The following PLEC variants were observed in gnomAD, a reference collection of about 807,000 sequenced individuals.
The protein encoded by PLEC is hemidesmosomal protein 1.
In PLEC, 216 loss-of-function variants were observed where a neutral mutation model predicts 392.8. That is an observed-to-expected ratio of 0.55 (90% CI 0.49 to 0.62). PLEC has a LOEUF of 0.62. PLEC is among the 20% of genes least tolerant of loss of function. The probability of loss-of-function intolerance (pLI) is 0.00; values close to 1 mark genes in which losing one functional copy is unlikely to be tolerated. For synonymous variants in PLEC, 3,621 were observed against 2,980.6 expected, an observed-to-expected ratio of 1.21 and a Z score of -7.00; for missense variants, 6,863 against 6,563.4, an observed-to-expected ratio of 1.05 and a Z score of -1.58.
At position 143,916,169 on chromosome 8, in the gene PLEC, A is replaced by G. The variant is rs1554668111; in HGVS notation, c.*8T>C. ...GCCGCATGCAGAGCGGGGTGGGCGC[A>G]GGCAGCCTCAGGCCACGGCAGACTC... On this transcript the variant is annotated 3_prime_UTR_variant, in exon 32 of 32. Transcript: ENST00000345136. The G allele has an allele frequency of 5.9e-6, 9 of 1,531,116 alleles. No individual in the cohort carries two copies. Among genetic ancestry groups the G allele is most frequent in the Non-Finnish European group, 7.9e-6 (9 of 1,139,142 alleles). The allele number at this position is 1,531,116 out of a possible 1,614,324, so 94.8% of individuals were successfully genotyped here. A position where few individuals can be genotyped will look rare whatever the true frequency, so the allele number is the denominator to read the frequency against.
chr8:143,926,023 G>A, intron 30 of PLEC, 139 bp from the exon 31 acceptor site: 5 of 1,007,232 alleles, frequency 5.0e-6, no homozygotes, highest in South Asian at 2.8e-5. Flanking sequence ...GCCCGGCGGA[G>A]GAGACAGCGT....
rs1554689367 is a variant in PLEC at position 143,922,331 on chromosome 8, G to A, written c.7490C>T (p.Ser2497Phe). The A allele has an allele frequency of 1.2e-6, 2 of 1,606,770 alleles. No individual in the cohort carries two copies. Among genetic ancestry groups the A allele is most frequent in the Non-Finnish European group, 1.7e-6 (2 of 1,179,954 alleles). ...CCGCTGTAGCAGGCTGTCCTTTTCAGAGAGGAAGCTTTGCTGCAGGGCCTG... is the reference window on the plus strand; with the variant it reads ...CCGCTGTAGCAGGCTGTCCTTTTCAAAGAGGAAGCTTTGCTGCAGGGCCTG... ...ETQALQQSFL[S>F]EKDSLLQRER... is the part of the protein sequence containing the mutation. Residue 2497 changes from serine (S) to phenylalanine (F), a missense_variant, in exon 32 of 32, where the codon TCT becomes TTT. Ser to Phe is a radical substitution (Grantham distance 155). Coordinates refer to ENST00000345136, the MANE Select transcript of PLEC (RefSeq NM_201384.3).
chr8:143,945,776 A>G (rs1044153464), intron 1 of PLEC, among the ~76,000 whole-genome samples: 12 of 152,164 alleles, frequency 7.9e-5, no homozygotes, highest in Admixed American at 6.5e-5. Flanking sequence ...ACCCAGGTCC[A>G]TGCTGGGAAG....
rs1240768654 is a variant in PLEC, at chr8:143,937,188, G to T, written c.319C>A (p.Leu107Met). Reference protein sequence around the residue: ...FHKLQNVQIALDYLRHRQVKL... With the variant: ...FHKLQNVQIAMDYLRHRQVKL... ...ACCTGGCGGTGCCGGAGGTAGTCCA[G>T]GGCAATCTGGACATTCTGCAGCTTG... Residue 107 changes from leucine to methionine, a missense_variant, in exon 4 of 32, where the codon CTG becomes ATG. Leu to Met is a conservative substitution (Grantham distance 15). Transcript: ENST00000345136. 1 of 1,612,632 alleles carries T rather than the reference G, an allele frequency of 6.2e-7. No individual in the cohort carries two copies. The highest frequency in any genetic ancestry group is 8.5e-7 in the Non-Finnish European group (1 of 1,179,786).
rs1554695640 is a variant in PLEC at position 143,924,084 on chromosome 8, C to T, written c.5845G>A (p.Gly1949Arg). The T allele has an allele frequency of 6.3e-6, 10 of 1,597,800 alleles. No individual in the cohort carries two copies. In the African/African-American group the frequency reaches 6.7e-5, roughly 11 times the overall value. ...AGKAELELEL[G>R]RIRSNAEDTL... ...TCCTCCGCGTTGCTGCGGATGCGTCCCAGCTCCAGCTCCAGCTCCGCCTTG... is the reference window on the plus strand; with the variant it reads ...TCCTCCGCGTTGCTGCGGATGCGTCTCAGCTCCAGCTCCAGCTCCGCCTTG... The change falls in exon 31 of 32, where the codon GGA (glycine) becomes AGA (arginine). Residue 1949 changes from glycine to arginine, a missense_variant. Physicochemically the swap from Gly to Arg is moderately radical, Grantham distance 125. Coordinates refer to ENST00000345136, the MANE Select transcript of PLEC (RefSeq NM_201384.3).
chr8:143,949,423 C>T (rs969881342), intron 1 of PLEC, among the ~76,000 whole-genome samples: 20 of 152,350 alleles, frequency 1.3e-4, no homozygotes, highest in Admixed American at 9.8e-4. Flanking sequence ...CCTGCTGGTA[C>T]AGGTGCTTGT....
intron 1 of PLEC, 43 bp from the exon 2 acceptor site, chr8:143,938,735 C>A: frequency 6.3e-7 from 1 of 1,574,878 alleles, no homozygotes; most frequent in Non-Finnish European, 8.7e-7. Context: ...TGGGAGAAGC[C>A]CCGGGGGCCC....
At chr8:143,946,373 T>C in intron 1 of PLEC, 1 of 1,288,770 alleles carries the variant, frequency 7.8e-7, no homozygotes, top group Non-Finnish European at 1.0e-6. Context: ...AATCAGCTCC[T>C]CCATGCTGTA....
chr8:143,944,035 G>A (rs1027756833), upstream of PLEC: 40 of 1,280,748 alleles, frequency 3.1e-5, no homozygotes, highest in Non-Finnish European at 3.9e-5. Flanking sequence ...CGCCCCATAC[G>A]CGGCGGCAGC....
chr8:143,926,730 A>G lies in PLEC; in HGVS notation c.4044+54T>C, dbSNP rs56401829. On this transcript the variant is annotated intron_variant, in intron 30 of 31. Transcript: ENST00000345136. ...CAGCTCCTGTGGCTGTGTGTGGGAC[A>G]CAACAGGTGGTGAGATGGAACCCTC... The G allele has an allele frequency of 0.38, 537,683 of 1,416,232 alleles. 108,510 individuals carry two copies. The highest frequency in any genetic ancestry group is 0.42 in the Non-Finnish European group (415,765 of 1,001,580). 87.7% of individuals were successfully genotyped at this position (1,416,232 alleles called of 1,614,324 possible).
At chr8:143,938,362 G>A in intron 2 of PLEC, 122 bp from the exon 3 acceptor site, 1 of 1,535,858 alleles carries the variant, frequency 6.5e-7, no homozygotes, top group South Asian at 1.2e-5. Context: ...AGTCTCCCGG[G>A]AGCCCACGGA....
rs371882486 is a variant in PLEC, at chr8:143,927,884, C to T, written c.3369G>A (p.Pro1123=). The T allele has an allele frequency of 5.7e-5, 90 of 1,591,842 alleles. No homozygotes were observed. The highest frequency in any genetic ancestry group is 5.0e-4 in the Middle Eastern group (3 of 6,058). Residue 1123 remains proline (P), a synonymous_variant, in exon 26 of 32, where the codon CCG becomes CCA. Transcript: ENST00000345136. ...KEAQAVPATL[P]ELEATKASLK... ...GAGAGGCCTTGGTGGCCTCGAGCTC[C>T]GGGAGGGTGGCCGGCACGGCCTGGG...
upstream of PLEC, chr8:143,958,696 GC>G (rs1554739936): frequency 4.4e-6 from 2 of 452,918 alleles, no homozygotes; most frequent in Admixed American, 4.7e-5. The surrounding 1 kb of genome is among the most constrained non-coding windows in gnomAD (Gnocchi z 4.9). Context: ...GCAGGCACCT[GC>G]TCTGCTGCAG....
At chr8:143,925,967 T>A in intron 30 of PLEC, 83 bp from the exon 31 acceptor site, 1 of 1,406,436 alleles carries the variant, frequency 7.1e-7, no homozygotes, top group Non-Finnish European at 9.7e-7. Context: ...CCGGCACAGT[T>A]CACTCAGACA....
intron 13 of PLEC, 39 bp from the exon 14 acceptor site, chr8:143,933,150 T>C: frequency 6.5e-7 from 1 of 1,541,684 alleles, no homozygotes; most frequent in Non-Finnish European, 8.8e-7. Context: ...TTGGCGGGCC[T>C]GGGGCCGTGT....
upstream of PLEC, chr8:143,953,581 G>A (rs1052172132): frequency 3.4e-6 from 3 of 891,836 alleles, no homozygotes; most frequent in Non-Finnish European, 5.4e-6. Context: ...GACGAGTCTG[G>A]GGTCTCCTGC....
intron 1 of PLEC, 146 bp from the exon 2 acceptor site, chr8:143,938,838 G>A (rs1829786463): frequency 1.3e-6 from 1 of 743,918 alleles, no homozygotes; most frequent in Non-Finnish European, 2.4e-6. Flanking sequence ...CTGAGACCCA[G>A]GCGCCCTCAC....
chr8:143,924,806 C>CGCTGCTGCGCGGTGCCTTCCGCCA lies in PLEC; in HGVS notation c.5099_5122dup (p.Leu1700_Gln1707dup). On this transcript the variant is annotated inframe_insertion, in exon 31 of 32. Transcript: ENST00000345136. ...GATCAACTCCTGCTCCGCGGCCAGG[C>CGCTGCTGCGCGGTGCCTTCCGCCA]GCTGCTGCGCGGTGCCTTCCGCCAG... 6.5e-7 allele frequency: 1 copy of CGCTGCTGCGCGGTGCCTTCCGCCA among 1,539,066 alleles called. No individual in the cohort carries two copies. The highest frequency in any genetic ancestry group is 8.7e-7 in the Non-Finnish European group (1 of 1,148,966).
At position 143,927,390 on chromosome 8, in the gene PLEC, C is replaced by A; in HGVS notation, c.3756+20G>T. The A allele has an allele frequency of 6.2e-7, 1 of 1,607,950 alleles. No individual in the cohort carries two copies. Among genetic ancestry groups the A allele is most frequent in the Admixed American group, 1.7e-5 (1 of 59,968 alleles). ...CGCAGGGCACGCCCAGCCGCCCCGT[C>A]CCCACCGACCCAAGCCCACCTGCTC... On this transcript the variant is annotated intron_variant, in intron 27 of 31. Coordinates refer to ENST00000345136, the MANE Select transcript of PLEC (RefSeq NM_201384.3).
Sources: gnomAD v4.1 joint callset for allele counts (sites outside exome capture counted in the v4.1 genomes callset) on GRCh38, gnomAD v4.1.1 for gene constraint, Gnocchi (gnomAD v3.1) non-coding constraint, MANE v1.5 for transcripts, NCBI Gene and HGNC (gene_info 2026-07-23, HGNC 2026-07-21) for gene names.